Variants in CLIC5 observed in about 807,000 individuals in gnomAD.
CLIC5 encodes CLIC family member 5.
Under a neutral mutation model 24.7 loss-of-function variants are expected in CLIC5, and 20 were observed. The ratio of observed to expected loss-of-function variants is 0.81; its 90% CI spans 0.57 to 1.18. The LOEUF (loss-of-function observed/expected upper bound fraction) is 1.18. CLIC5 is among the 50% of genes most tolerant of loss of function. The pLI is 0.00. For synonymous variants in CLIC5, 159 were observed against 135.6 expected (o/e 1.17, Z -1.20); for missense variants, 341 against 326.1 (o/e 1.05, Z -0.35).
intron 6 of CLIC5, among the ~76,000 whole-genome samples, chr6:45,889,700 A>G (rs1175786691): frequency 1.3e-5 from 2 of 152,222 alleles, no homozygotes; most frequent in African/African-American, 4.8e-5. Flanking sequence ...CTTTTGAGTC[A>G]TGCAAATACA....
chr6:45,967,733 T>A (rs941204638), intron 1 of CLIC5, among the ~76,000 whole-genome samples: 16 of 152,124 alleles, frequency 1.1e-4, no homozygotes, highest in African/African-American at 3.1e-4. Flanking sequence ...AGGAAGCTTA[T>A]GATCATAGTG....
chr6:46,071,667 C>T (rs1177635570), intron 1 of CLIC5, among the ~76,000 whole-genome samples: 1 of 152,120 alleles, frequency 6.6e-6, no homozygotes, highest in African/African-American at 2.4e-5. Context: ...TTGTGGAAAG[C>T]AGTGTGGTGG....
At chr6:46,113,918 C>T in the CLIC5 span, among the ~76,000 whole-genome samples, 7 of 152,216 alleles carry the variant, frequency 4.6e-5, no homozygotes, top group Non-Finnish European at 1.0e-4. Context: ...AGGAAACCCA[C>T]TCTGCTGATA....
chr6:46,111,032 G>A, the CLIC5 span, among the ~76,000 whole-genome samples: 1 of 152,198 alleles, frequency 6.6e-6, no homozygotes, highest in South Asian at 2.1e-4. Flanking sequence ...TTATTCGATT[G>A]TAGCCTTGTT....
At chr6:45,908,894 T>C (rs1360074821) in intron 5 of CLIC5, among the ~76,000 whole-genome samples, 1 of 152,188 alleles carries the variant, frequency 6.6e-6, no homozygotes, top group Admixed American at 6.5e-5. Flanking sequence ...ATTATTATTG[T>C]GTGTTGTTGC....
At chr6:45,953,701 T>G (rs1040421064) in intron 2 of CLIC5, among the ~76,000 whole-genome samples, 17 of 152,130 alleles carry the variant, frequency 1.1e-4, no homozygotes, top group African/African-American at 3.9e-4. Flanking sequence ...GTGGCCTGAT[T>G]AAAGCATTAT....
At chr6:45,928,625 C>T (rs1463004732) in intron 4 of CLIC5, among the ~76,000 whole-genome samples, 1 of 152,174 alleles carries the variant, frequency 6.6e-6, no homozygotes, top group Non-Finnish European at 1.5e-5. Context: ...TGTGTCCCAT[C>T]ATGAATATAT....
intron 5 of CLIC5, chr6:45,913,931 A>T: frequency 6.5e-6 from 4 of 616,078 alleles, no homozygotes; most frequent in Non-Finnish European, 9.4e-6. Flanking sequence ...AACAACGATA[A>T]TTGCGACTAT....
intron 1 of CLIC5, among the ~76,000 whole-genome samples, chr6:46,028,406 A>T (rs528346283): frequency 6.6e-6 from 1 of 152,340 alleles, no homozygotes; most frequent in African/African-American, 2.4e-5. Context: ...TGCAGTGAAT[A>T]AAAAATAAGG....
At chr6:46,001,150 G>C (rs1217061088) in intron 1 of CLIC5, among the ~76,000 whole-genome samples, 1 of 152,168 alleles carries the variant, frequency 6.6e-6, no homozygotes, top group Non-Finnish European at 1.5e-5. Context: ...CCTTTAGGGT[G>C]ACCTTAACTG....
At chr6:46,035,884 A>C (rs1211343903) in intron 1 of CLIC5, among the ~76,000 whole-genome samples, 1 of 152,086 alleles carries the variant, frequency 6.6e-6, no homozygotes, top group African/African-American at 2.4e-5. Flanking sequence ...AGCTGGGACT[A>C]CAGGTGCGTG....
the CLIC5 span, among the ~76,000 whole-genome samples, chr6:46,109,072 G>A: frequency 6.6e-6 from 1 of 152,064 alleles, no homozygotes; most frequent in African/African-American, 2.4e-5. Flanking sequence ...TATGTCATCA[G>A]TAATAATTAT....
intron 1 of CLIC5, among the ~76,000 whole-genome samples, chr6:46,007,721 C>T (rs1426775420): frequency 6.6e-6 from 1 of 152,082 alleles, no homozygotes; most frequent in Non-Finnish European, 1.5e-5. Flanking sequence ...CTTATCTCAT[C>T]AGAGAAGGTC....
In CLIC5 at chr6:46,015,624, C is replaced by T; in HGVS notation, c.-82G>A. The T allele has an allele frequency of 2.1e-6, 3 of 1,404,592 alleles. No homozygotes were observed. Among genetic ancestry groups the T allele is most frequent in the South Asian group, 1.5e-5 (1 of 65,632 alleles). The allele number at this position is 1,404,592 out of a possible 1,614,324, so 87.0% of individuals were successfully genotyped here. On this transcript the variant is annotated 5_prime_UTR_variant, in exon 1 of 6. Coordinates refer to ENST00000339561, the MANE Select transcript of CLIC5 (RefSeq NM_016929.5). ...CTGGGCCAGCACTCTGCGCTCCTGC[C>T]GCTGCCCAGCGGGGCTCCTCTTCAG...
At chr6:46,067,139 T>C (rs1163453108) in intron 1 of CLIC5, among the ~76,000 whole-genome samples, 1 of 152,150 alleles carries the variant, frequency 6.6e-6, no homozygotes, top group Non-Finnish European at 1.5e-5. Context: ...TTTACTCCAC[T>C]GGTTGAATGA....
chr6:45,898,454 TG>T, downstream of CLIC5: 1 of 152,756 alleles, frequency 6.5e-6, no homozygotes, highest in Non-Finnish European at 1.5e-5. Context: ...TGACCACTTT[TG>T]TAATATTTGA....
the CLIC5 span, among the ~76,000 whole-genome samples, chr6:46,092,644 T>A: frequency 6.6e-6 from 1 of 151,110 alleles, no homozygotes; most frequent in Non-Finnish European, 1.5e-5. Context: ...TGTGTGTGTG[T>A]GTGTGTGTAT....
Position 46,025,198 on chromosome 6 carries a change from T to C in CLIC5, c.540+54505A>G, listed in dbSNP as rs116820673. On this transcript the variant is annotated intron_variant, in intron 1 of 5. Transcript: ENST00000185206. Reference sequence around the variant, plus strand: ...CTGTAAGACAAAGATAACTATACTTTCCCTGAAATTTGTGTAGTTTGATTA... The same window carrying C: ...CTGTAAGACAAAGATAACTATACTTCCCCTGAAATTTGTGTAGTTTGATTA... 1.5e-3 allele frequency among the ~76,000 whole-genome samples: 225 copies of C among 152,286 alleles called. 2 individuals carry two copies. Among genetic ancestry groups the C allele is most frequent in the African/African-American group, 5.0e-3 (209 of 41,550 alleles).
rs1456883214 is a variant in CLIC5, at chr6:45,902,819, T to TGACC, written c.*265_*268dup. 2 of 481,622 alleles carry TGACC rather than the reference T, an allele frequency of 4.2e-6. No homozygotes were observed. The highest frequency in any genetic ancestry group is 7.4e-6 in the Non-Finnish European group (2 of 270,136). The allele number at this position is 481,622 out of a possible 1,614,324, so 29.8% of individuals were successfully genotyped here. On this transcript the variant is annotated 3_prime_UTR_variant, in exon 6 of 6. Coordinates refer to ENST00000339561, the MANE Select transcript of CLIC5 (RefSeq NM_016929.5). ...CATATGTGGGCTCTCCAACACTGAC[T>TGACC]GACCCCAAACATGCTGAGCCCAGAT...
Sources: gnomAD v4.1 joint callset for allele counts (sites outside exome capture counted in the v4.1 genomes callset) on GRCh38, gnomAD v4.1.1 for gene constraint, MANE v1.5 for transcripts, NCBI Gene and HGNC (gene_info 2026-07-23, HGNC 2026-07-21) for gene names.